Variants in PIP4K2A observed in about 807,000 individuals in gnomAD.
The protein encoded by PIP4K2A is phosphatidylinositol-5-phosphate 4-kinase type 2 alpha, also known as phosphatidylinositol 5-phosphate 4-kinase type-2 alpha.
PIP4K2A carries 14 observed loss-of-function variants against 42.9 expected under a neutral mutation model. That is an observed-to-expected ratio of 0.33 (90% CI 0.22 to 0.51). The LOEUF is 0.51. Ranked by LOEUF, PIP4K2A falls within the 20% of genes least tolerant of loss-of-function variation. PIP4K2A has a pLI of 0.97. For synonymous variants in PIP4K2A, 192 were observed against 192.2 expected (o/e 1.00, Z 0.01); for missense variants, 434 against 519.8 (o/e 0.83, Z 1.61).
chr10:22,679,672 T>C (rs1012662020), intron 1 of PIP4K2A, among the ~76,000 whole-genome samples: 2 of 152,100 alleles, frequency 1.3e-5, no homozygotes, highest in Admixed American at 6.6e-5. Flanking sequence ...CATTAATGGG[T>C]GAAAGGATAA....
At chr10:22,659,259 T>C (rs1410493312) in intron 1 of PIP4K2A, among the ~76,000 whole-genome samples, 11 of 152,234 alleles carry the variant, frequency 7.2e-5, no homozygotes. Context: ...CACGTCTTTA[T>C]GGCCACAAAA....
Position 22,609,682 on chromosome 10 carries a change from C to T in PIP4K2A, c.180G>A (p.Met60Ile). Residue 60 changes from methionine to isoleucine, a missense_variant, in exon 2 of 10, where the codon ATG becomes ATA. Met to Ile is a conservative substitution (Grantham distance 10, BLOSUM62 1). Around this residue, in one of 2 missense-constraint regions of PIP4K2A, gnomAD observed 395 missense variants for 444.5 expected, o/e 0.89. Transcript: ENST00000376573. Reference sequence around the variant, plus strand: ...AGGCTTTGAAGTCATCTGGCATCAACATAACAGGGATTTGAACATGGCTCA... The same window carrying T: ...AGGCTTTGAAGTCATCTGGCATCAATATAACAGGGATTTGAACATGGCTCA... ...NELSHVQIPV[M>I]LMPDDFKAYS... 1.9e-6 allele frequency: 3 copies of T among 1,609,654 alleles called. No homozygotes were observed. The highest frequency in any genetic ancestry group is 2.5e-6 in the Non-Finnish European group (3 of 1,176,694).
At chr10:22,637,635 G>A (rs776790319) in intron 1 of PIP4K2A, among the ~76,000 whole-genome samples, 1 of 152,140 alleles carries the variant, frequency 6.6e-6, no homozygotes, top group Admixed American at 6.5e-5. Context: ...TGGCTGGATG[G>A]AATCATCCAG....
At chr10:22,696,842 A>G (rs1230159035) in intron 1 of PIP4K2A, among the ~76,000 whole-genome samples, 1 of 152,188 alleles carries the variant, frequency 6.6e-6, no homozygotes, top group Non-Finnish European at 1.5e-5. Flanking sequence ...TTAATTTTCT[A>G]CTTAATTCAA....
intron 1 of PIP4K2A, among the ~76,000 whole-genome samples, chr10:22,692,298 C>CA (rs768159970): frequency 1.3e-4 from 20 of 152,022 alleles, no homozygotes; most frequent in Admixed American, 4.6e-4. Flanking sequence ...TGACAGGAGG[C>CA]AGAGCTCAGG....
intron 6 of PIP4K2A, chr10:22,567,409 CA>C (rs374098459): frequency 3.0e-4 from 103 of 342,112 alleles, no homozygotes; most frequent in African/African-American, 2.2e-3. Context: ...GAGGCTCATC[CA>C]AGCCAACATA....
At chr10:22,545,680 T>C (rs992351303) in intron 7 of PIP4K2A, among the ~76,000 whole-genome samples, 2 of 152,240 alleles carry the variant, frequency 1.3e-5, no homozygotes, top group African/African-American at 2.4e-5. Context: ...ACTGAGAAAA[T>C]TGCAGTCACA....
intron 7 of PIP4K2A, among the ~76,000 whole-genome samples, chr10:22,545,440 G>A (rs1836237951): frequency 6.6e-6 from 1 of 152,212 alleles, no homozygotes; most frequent in Admixed American, 6.5e-5. Flanking sequence ...GCACTCACCA[G>A]GGTGAGCCTC....
chr10:22,707,163 C>T (rs1041228216), intron 1 of PIP4K2A, among the ~76,000 whole-genome samples: 6 of 152,138 alleles, frequency 3.9e-5, no homozygotes, highest in African/African-American at 1.2e-4. Flanking sequence ...TAAGAACTTA[C>T]CATGTGCCAG....
rs563092546 is a variant in PIP4K2A, at chr10:22,693,043, C to T, written c.144+21140G>A. On this transcript the variant is annotated intron_variant, in intron 1 of 9. Transcript: ENST00000376573. The stretch of plus-strand genomic sequence containing the variant: ...TGGGACTCAATAACAAATAGTTCTG[C>T]ATATCCATTAATTTTAGTCCTGTTT... 3.3e-5 allele frequency among the ~76,000 whole-genome samples: 5 copies of T among 152,306 alleles called. No homozygotes were observed. The South Asian group carries it at 1.0e-3, about 32-fold the overall frequency.
intron 4 of PIP4K2A, among the ~76,000 whole-genome samples, chr10:22,586,490 C>T (rs1837397320): frequency 1.3e-5 from 2 of 152,144 alleles, no homozygotes; most frequent in African/African-American, 4.8e-5. Flanking sequence ...AATACAAGAA[C>T]GATATTTAAT....
intron 6 of PIP4K2A, among the ~76,000 whole-genome samples, chr10:22,553,770 G>A (rs1276909990): frequency 6.8e-6 from 1 of 147,918 alleles, no homozygotes; most frequent in Non-Finnish European, 1.5e-5. Context: ...ACTTGAAATG[G>A]GTATTACAGG....
chr10:22,568,052 C>T lies in PIP4K2A; in HGVS notation c.640-163G>A, dbSNP rs188050682. ...TTCTCATCCCTCCCTGACCATGGCTCTCTGTCCGGCCTGTGTCCCCTCTCT... is the reference window on the plus strand; with the variant it reads ...TTCTCATCCCTCCCTGACCATGGCTTTCTGTCCGGCCTGTGTCCCCTCTCT... On this transcript the variant is annotated intron_variant, in intron 5 of 9. Coordinates refer to ENST00000376573, the MANE Select transcript of PIP4K2A (RefSeq NM_005028.5). 4.2e-4 allele frequency among the ~76,000 whole-genome samples: 64 copies of T among 152,368 alleles called. 1 individual carries two copies. Among genetic ancestry groups the T allele is most frequent in the African/African-American group, 1.5e-3 (62 of 41,588 alleles).
At chr10:22,675,431 C>T (rs1273095248) in intron 1 of PIP4K2A, among the ~76,000 whole-genome samples, 1 of 151,982 alleles carries the variant, frequency 6.6e-6, no homozygotes, top group Non-Finnish European at 1.5e-5. Context: ...ACTAAAAATA[C>T]AAAAATTAGC....
chr10:22,563,232 G>A (rs1311118514), intron 6 of PIP4K2A, among the ~76,000 whole-genome samples: 1 of 152,170 alleles, frequency 6.6e-6, no homozygotes, highest in Non-Finnish European at 1.5e-5. Flanking sequence ...TCTGGAATAA[G>A]AGTTATTAGA....
intron 1 of PIP4K2A, among the ~76,000 whole-genome samples, chr10:22,633,163 C>T (rs971661948): frequency 6.6e-6 from 1 of 152,188 alleles, no homozygotes; most frequent in South Asian, 2.1e-4. Flanking sequence ...CTTTGCATGG[C>T]GCAGGGGATT....
chr10:22,663,645 TATAA>T (rs1318756009), intron 1 of PIP4K2A, among the ~76,000 whole-genome samples: 2 of 152,162 alleles, frequency 1.3e-5, no homozygotes, highest in African/African-American at 4.8e-5. Flanking sequence ...GGATAGTCAC[TATAA>T]ATGTTTTTGA....
At chr10:22,566,854 A>G (rs866610508) in intron 6 of PIP4K2A, among the ~76,000 whole-genome samples, 3 of 152,010 alleles carry the variant, frequency 2.0e-5, no homozygotes, top group African/African-American at 7.3e-5. Flanking sequence ...CCAAGTGTTC[A>G]CCCCATGATA....
chr10:22,683,018 C>T (rs1839692570), intron 1 of PIP4K2A, among the ~76,000 whole-genome samples: 1 of 151,710 alleles, frequency 6.6e-6, no homozygotes, highest in Non-Finnish European at 1.5e-5. Context: ...TTTATTTTTG[C>T]GTAGCTGAGG....
Sources: gnomAD v4.1 joint callset for allele counts (sites outside exome capture counted in the v4.1 genomes callset) on GRCh38, gnomAD v4.1.1 for gene constraint, gnomAD v4.1.1 regional missense constraint, MANE v1.5 for transcripts, NCBI Gene and HGNC (gene_info 2026-07-23, HGNC 2026-07-21) for gene names.